RTTN: variants seen among roughly 807,000 people sequenced by gnomAD.
The protein encoded by RTTN is rotatin.
A neutral mutation model predicts 269.2 loss-of-function variants in RTTN; 182 were observed. The ratio of observed to expected loss-of-function variants is 0.68; its 90% CI spans 0.60 to 0.76. RTTN has a LOEUF of 0.76. RTTN is among the 30% of genes least tolerant of loss of function. The pLI, the probability that RTTN is intolerant of heterozygous loss-of-function variation, is 0.00. For missense variants in RTTN, 2,545 were observed against 2,608.6 expected (o/e 0.98, Z 0.53); for synonymous variants, 1,006 against 963.5 (o/e 1.04, Z -0.82).
At chr18:70,158,911 T>C (rs2060754766) in intron 14 of RTTN, among the ~76,000 whole-genome samples, 2 of 147,668 alleles carry the variant, frequency 1.4e-5, no homozygotes, top group Admixed American at 6.8e-5. Context: ...CTAAATATAA[T>C]GCACCCAGCA....
chr18:70,109,818 G>GA (rs1231466165), intron 27 of RTTN, 101 bp from the exon 28 acceptor site: 5 of 867,500 alleles, frequency 5.8e-6, no homozygotes, highest in African/African-American at 1.7e-5. Context: ...CATAGTAATA[G>GA]AAAAAAATGA....
intron 12 of RTTN, among the ~76,000 whole-genome samples, chr18:70,167,909 G>T (rs2061033800): frequency 6.6e-6 from 1 of 152,076 alleles, no homozygotes; most frequent in Non-Finnish European, 1.5e-5. Context: ...CATTTTGGGA[G>T]GCCAAGGTGG....
intron 34 of RTTN, among the ~76,000 whole-genome samples, chr18:70,068,705 C>G (rs1159494169): frequency 1.3e-5 from 2 of 152,122 alleles, no homozygotes; most frequent in South Asian, 2.1e-4. Flanking sequence ...TAGGGTTGTC[C>G]TCTTACAACA....
Position 70,020,679 on chromosome 18 carries a change from T to C in RTTN, c.6089A>G (p.Gln2030Arg), listed in dbSNP as rs764800828. Residue 2030 changes from glutamine to arginine, a missense_variant, in exon 45 of 49, where the codon CAG becomes CGG. Coordinates refer to ENST00000640769, the MANE Select transcript of RTTN (RefSeq NM_173630.4). ...GTTTGAAAGAAGCATAAAAACCATCTGCTGAACCGTGGTGTTCTCCAGTGG... is the reference window on the plus strand; with the variant it reads ...GTTTGAAAGAAGCATAAAAACCATCCGCTGAACCGTGGTGTTCTCCAGTGG... The part of the protein sequence containing the change: ...QMPLENTTVQ[Q>R]MVFMLLSNLA... 10 of 1,613,982 alleles carry C rather than the reference T, an allele frequency of 6.2e-6. No homozygotes were observed. Among genetic ancestry groups the C allele is most frequent in the Admixed American group, 1.7e-5 (1 of 59,994 alleles).
chr18:70,100,627 G>A (rs1194463712), intron 28 of RTTN, among the ~76,000 whole-genome samples: 2 of 152,152 alleles, frequency 1.3e-5, no homozygotes, highest in African/African-American at 4.8e-5. Context: ...AATAGGAGTG[G>A]TGAGAGAGGG....
chr18:70,064,004 G>A (rs2058064041), intron 35 of RTTN, among the ~76,000 whole-genome samples: 1 of 132,138 alleles, frequency 7.6e-6, no homozygotes, highest in Non-Finnish European at 1.6e-5. Context: ...GTGCTGAAAT[G>A]ATTGGCAAAG....
intron 25 of RTTN, among the ~76,000 whole-genome samples, chr18:70,127,170 A>C (rs896201565): frequency 1.1e-4 from 16 of 152,226 alleles, no homozygotes; most frequent in African/African-American, 3.6e-4. Context: ...ACAGCTATTA[A>C]TCAATTCACT....
chr18:70,091,249 G>C (rs1457442309), intron 30 of RTTN, among the ~76,000 whole-genome samples: 1 of 152,060 alleles, frequency 6.6e-6, no homozygotes, highest in East Asian at 1.9e-4. Flanking sequence ...TGAAGTTCAG[G>C]GGCTCAGGGA....
At chr18:70,074,764 T>C (rs1599401433) in intron 33 of RTTN, 1 of 151,638 alleles carries the variant, frequency 6.6e-6, no homozygotes, top group East Asian at 1.9e-4. Flanking sequence ...TAATTATTTT[T>C]ATGTGCTCAG....
At chr18:70,033,718 A>C (rs2057086896) in intron 40 of RTTN, among the ~76,000 whole-genome samples, 1 of 152,188 alleles carries the variant, frequency 6.6e-6, no homozygotes. Flanking sequence ...AGAAATAATC[A>C]GAATCAGAGC....
At chr18:70,072,889 A>C (rs2058333316) in intron 34 of RTTN, among the ~76,000 whole-genome samples, 1 of 152,144 alleles carries the variant, frequency 6.6e-6, no homozygotes, top group South Asian at 2.1e-4. Flanking sequence ...CATGACATCT[A>C]GTGGAACTCG....
chr18:70,076,003 T>C (rs973068874), intron 32 of RTTN, among the ~76,000 whole-genome samples: 1 of 152,014 alleles, frequency 6.6e-6, no homozygotes, highest in Non-Finnish European at 1.5e-5. Flanking sequence ...TCAATATCCA[T>C]ATGGCAAAAT....
chr18:70,106,031 T>C (rs1175920984), intron 28 of RTTN, among the ~76,000 whole-genome samples: 7 of 152,182 alleles, frequency 4.6e-5, no homozygotes, highest in South Asian at 2.1e-4. Flanking sequence ...TATAAGCTCA[T>C]AGTCTACTAG....
At chr18:70,117,386 A>T (rs1412002686) in intron 26 of RTTN, among the ~76,000 whole-genome samples, 1 of 152,100 alleles carries the variant, frequency 6.6e-6, no homozygotes, top group Non-Finnish European at 1.5e-5. Context: ...ATTGGTAGTT[A>T]TATAACATAT....
At chr18:70,022,374 C>G (rs2056731227) in intron 44 of RTTN, among the ~76,000 whole-genome samples, 1 of 152,092 alleles carries the variant, frequency 6.6e-6, no homozygotes, top group South Asian at 2.1e-4. Flanking sequence ...CAGCTGTGCT[C>G]TAGCTCTCAC....
At position 70,193,410 on chromosome 18, in the gene RTTN, T is replaced by C. The variant is rs148445363; in HGVS notation, c.885A>G (p.Ala295=). 2,472 of 1,592,982 alleles carry C rather than the reference T, an allele frequency of 1.6e-3. 2 individuals are homozygous for C. Among genetic ancestry groups the C allele is most frequent in the Non-Finnish European group, 1.9e-3 (2,256 of 1,172,434 alleles). Residue 295 remains alanine, a synonymous_variant, in exon 8 of 49, where the codon GCA becomes GCG. Transcript: ENST00000640769. ...QNSSLSYCHE[A]RGTHHSQNPS... ...GATTCTGGGAATGATGAGTACCTCT[T>C]GCTTCATGACAATAAGACAAAGAAG...
At chr18:70,156,014 G>A (rs982467453) in intron 14 of RTTN, among the ~76,000 whole-genome samples, 1 of 152,020 alleles carries the variant, frequency 6.6e-6, no homozygotes, top group Non-Finnish European at 1.5e-5. Flanking sequence ...TGATGATTGC[G>A]TTAACTGCAC....
At chr18:70,140,007 C>T in intron 20 of RTTN, 93 bp downstream of exon 20, 1 of 854,174 alleles carries the variant, frequency 1.2e-6, no homozygotes, top group East Asian at 2.6e-5. Context: ...AATTTAAAAT[C>T]CAAGTACTCA....
At chr18:70,184,696 A>T (rs1453263417) in intron 10 of RTTN, among the ~76,000 whole-genome samples, 7 of 75,854 alleles carry the variant, frequency 9.2e-5, no homozygotes, top group Middle Eastern at 7.8e-3. Flanking sequence ...ATTCAAAACC[A>T]CAGCAGGTTT....
Sources: gnomAD v4.1 joint callset for allele counts (sites outside exome capture counted in the v4.1 genomes callset) on GRCh38, gnomAD v4.1.1 for gene constraint, MANE v1.5 for transcripts, NCBI Gene and HGNC (gene_info 2026-07-23, HGNC 2026-07-21) for gene names.